TP63: variants seen among roughly 807,000 people sequenced by gnomAD.
TP63 encodes the protein tumor protein 63.
Under a neutral mutation model 82.8 loss-of-function variants are expected in TP63, and 17 were observed. The ratio of observed to expected loss-of-function variants is 0.21; its 90% CI spans 0.14 to 0.31. TP63 has a LOEUF of 0.31. Among genes scored for constraint, TP63 ranks in the 10% least tolerant of loss-of-function variants. TP63 has a pLI of 1.00. For missense variants in TP63, 648 were observed against 895.3 expected (o/e 0.72, Z 3.52); for synonymous variants, 330 against 321.7 (o/e 1.03, Z -0.28).
chr3:189,701,247 A>C (rs1368172538), intron 1 of TP63, among the ~76,000 whole-genome samples: 1 of 152,080 alleles, frequency 6.6e-6, no homozygotes, highest in Non-Finnish European at 1.5e-5. Context: ...CGTGCTCCTC[A>C]AGAATTATCT....
rs1051718818 is a variant in TP63 at position 189,655,653 on chromosome 3, G to A, written c.62+24076G>A. 7.9e-5 allele frequency among the ~76,000 whole-genome samples: 12 copies of A among 152,044 alleles called. No individual in the cohort carries two copies. The East Asian group carries it at 1.2e-3, about 15-fold the overall frequency. On this transcript the variant is annotated intron_variant, in intron 1 of 13. Transcript: ENST00000264731. The stretch of plus-strand genomic sequence containing the variant: ...AAAGAAAAAATAAAATAAATCTGGA[G>A]AGACAGATGCACATAGAGAAACTGC...
At chr3:189,772,109 A>T (rs1167837996) in intron 3 of TP63, among the ~76,000 whole-genome samples, 1 of 152,206 alleles carries the variant, frequency 6.6e-6, no homozygotes, top group Non-Finnish European at 1.5e-5. Flanking sequence ...ACATTCTGCT[A>T]ATTTGCTTCT....
chr3:189,725,321 G>T (rs769192699), intron 1 of TP63, among the ~76,000 whole-genome samples: 6 of 152,076 alleles, frequency 3.9e-5, no homozygotes, highest in Non-Finnish European at 8.8e-5. Context: ...TTCAAATAGG[G>T]TTAAAGCATA....
At chr3:189,677,375 A>C (rs891504321) in intron 1 of TP63, among the ~76,000 whole-genome samples, 2 of 126,644 alleles carry the variant, frequency 1.6e-5, no homozygotes, top group Non-Finnish European at 3.5e-5. Flanking sequence ...TTTATATGTA[A>C]ATAATTATAT....
At chr3:189,827,541 T>A (rs1320216968) in intron 4 of TP63, among the ~76,000 whole-genome samples, 3 of 152,204 alleles carry the variant, frequency 2.0e-5, no homozygotes, top group Non-Finnish European at 4.4e-5. Context: ...ACAGAAAACT[T>A]TGCATTTAAA....
chr3:189,673,769 G>A (rs1029264359), intron 1 of TP63, among the ~76,000 whole-genome samples: 7 of 152,030 alleles, frequency 4.6e-5, no homozygotes, highest in Admixed American at 1.3e-4. Context: ...TTTCACTTCT[G>A]CAATTTACTT....
Position 189,719,405 on chromosome 3 carries a change from T to C in TP63, c.63-18335T>C, listed in dbSNP as rs148244613. Reference sequence around the variant, plus strand: ...GCCCATATTCACTCTTTCATATCTATTCTTTTTGCATCCGATGTATCAGAA... The same window carrying C: ...GCCCATATTCACTCTTTCATATCTACTCTTTTTGCATCCGATGTATCAGAA... On this transcript the variant is annotated intron_variant, in intron 1 of 13. Coordinates refer to ENST00000264731, the MANE Select transcript of TP63 (RefSeq NM_003722.5). 5.4e-3 allele frequency among the ~76,000 whole-genome samples: 815 copies of C among 152,308 alleles called. 13 individuals carry two copies. Among genetic ancestry groups the C allele is most frequent in the African/African-American group, 0.019 (780 of 41,570 alleles).
intron 1 of TP63, among the ~76,000 whole-genome samples, chr3:189,708,317 C>A (rs1267085826): frequency 1.3e-5 from 2 of 152,186 alleles, no homozygotes; most frequent in Non-Finnish European, 1.5e-5. Context: ...CCTGTTGTTT[C>A]GTGAACAACA....
intron 1 of TP63, among the ~76,000 whole-genome samples, chr3:189,661,473 G>T (rs2108654118): frequency 6.6e-6 from 1 of 152,222 alleles, no homozygotes; most frequent in Admixed American, 6.5e-5. Context: ...GATTCAATAT[G>T]TTGGTATTTT....
At chr3:189,865,053 T>C (rs1010722469) in intron 5 of TP63, among the ~76,000 whole-genome samples, 1 of 152,032 alleles carries the variant, frequency 6.6e-6, no homozygotes. Flanking sequence ...GCCAGGAGAC[T>C]ACATGGTAGC....
rs1577142421 is a variant in TP63, at chr3:189,866,785, T to C, written c.870T>C (p.Tyr290=). 1.9e-6 allele frequency: 3 copies of C among 1,614,062 alleles called. No individual in the cohort carries two copies. Among genetic ancestry groups the C allele is most frequent in the Non-Finnish European group, 2.5e-6 (3 of 1,179,962 alleles). The change falls in exon 6 of 14, where the codon TAT becomes TAC. Residue 290 remains tyrosine, a synonymous_variant. Coordinates refer to ENST00000264731, the MANE Select transcript of TP63 (RefSeq NM_003722.5). ...ITGRQSVLVP[Y]EPPQVGTEFT... ...GAAGACAGAGTGTGCTGGTACCTTA[T>C]GAGCCACCCCAGGTAAAAAGCAAAA...
chr3:189,804,335 G>A (rs1355826014), intron 3 of TP63, among the ~76,000 whole-genome samples: 1 of 152,162 alleles, frequency 6.6e-6, no homozygotes, highest in African/African-American at 2.4e-5. Context: ...ACTTGACCTG[G>A]GACAGCTTCA....
At chr3:189,864,536 TC>T in intron 5 of TP63, 118 bp downstream of exon 5, 1 of 627,944 alleles carries the variant, frequency 1.6e-6, no homozygotes, top group Non-Finnish European at 2.4e-6. Context: ...GGCAGATCAG[TC>T]TGCCTTTTTT....
intron 1 of TP63, among the ~76,000 whole-genome samples, chr3:189,708,072 T>G (rs1718332896): frequency 6.6e-6 from 1 of 152,212 alleles, no homozygotes; most frequent in Non-Finnish European, 1.5e-5. Flanking sequence ...TTTTCGTTCC[T>G]TCTTTATTTT....
chr3:189,868,730 G>A lies in TP63; in HGVS notation c.1129+14G>A, dbSNP rs558461055. On this transcript the variant is annotated intron_variant, in intron 8 of 13. Transcript: ENST00000264731. ...GTACGAAGCGCCGTAAGTAGATGTA[G>A]TGGCCAAATGGGGTAGGGTTGAATC... 21 of 1,613,830 alleles carry A rather than the reference G, an allele frequency of 1.3e-5. No homozygotes were observed. Among genetic ancestry groups the A allele is most frequent in the Non-Finnish European group, 1.6e-5 (19 of 1,179,900 alleles).
At chr3:189,818,198 C>T (rs185270768) in intron 4 of TP63, among the ~76,000 whole-genome samples, 5 of 151,842 alleles carry the variant, frequency 3.3e-5, no homozygotes, top group Admixed American at 3.3e-4. Flanking sequence ...TTTATTCCTA[C>T]TTTGTATTCT....
At chr3:189,668,439 A>C (rs1379432186) in intron 1 of TP63, among the ~76,000 whole-genome samples, 1 of 152,146 alleles carries the variant, frequency 6.6e-6, no homozygotes, top group East Asian at 1.9e-4. Context: ...AAACAGAGAC[A>C]TGAAAAATAT....
At chr3:189,695,068 T>C (rs2108728769) in intron 1 of TP63, among the ~76,000 whole-genome samples, 1 of 152,030 alleles carries the variant, frequency 6.6e-6, no homozygotes, top group African/African-American at 2.4e-5. Context: ...GCCTATTCTT[T>C]AAGAGTGGAG....
intron 4 of TP63, among the ~76,000 whole-genome samples, chr3:189,848,553 G>A (rs944256630): frequency 2.0e-5 from 3 of 152,076 alleles, no homozygotes; most frequent in Non-Finnish European, 2.9e-5. Flanking sequence ...CTTAGCAAAT[G>A]TGTGTTAAAC....
Sources: allele counts gnomAD v4.1 joint callset (sites outside exome capture counted in the v4.1 genomes callset), GRCh38; gene constraint gnomAD v4.1.1; transcripts MANE v1.5; gene names NCBI Gene and HGNC (gene_info 2026-07-23, HGNC 2026-07-21).